The following VWC2L variants were observed in gnomAD, a reference collection of about 807,000 sequenced individuals.
VWC2L encodes the protein von Willebrand factor C domain containing 2 like.
Under a neutral mutation model 21.6 loss-of-function variants are expected in VWC2L, and 10 were observed. That is an observed-to-expected ratio of 0.46 (90% CI 0.29 to 0.78). The LOEUF is 0.78. VWC2L is among the 30% of genes least tolerant of loss of function. VWC2L has a pLI of 0.10. For synonymous variants in VWC2L, 96 were observed against 94.3 expected (o/e 1.02, Z -0.10); for missense variants, 209 against 277.1 (o/e 0.75, Z 1.74).
At chr2:214,424,168 C>A (rs1183410505) in intron 2 of VWC2L, among the ~76,000 whole-genome samples, 2 of 152,038 alleles carry the variant, frequency 1.3e-5, no homozygotes, top group South Asian at 2.1e-4. Context: ...TATTATAATT[C>A]TCAGTAGGGT....
intron 2 of VWC2L, among the ~76,000 whole-genome samples, chr2:214,415,531 G>T (rs971734018): frequency 6.6e-6 from 1 of 152,014 alleles, no homozygotes; most frequent in Non-Finnish European, 1.5e-5. Flanking sequence ...TTTCAGTGTG[G>T]GTGTTTATGT....
chr2:214,544,270 C>G (rs144662041), intron 3 of VWC2L, among the ~76,000 whole-genome samples: 2 of 152,158 alleles, frequency 1.3e-5, no homozygotes, highest in African/African-American at 4.8e-5. Context: ...ATTAGAGAGC[C>G]CTGTTGTAAT....
At chr2:214,436,384 G>A in intron 2 of VWC2L, 1 of 403,600 alleles carries the variant, frequency 2.5e-6, no homozygotes, top group South Asian at 4.2e-5. Flanking sequence ...AGGAACATAA[G>A]ATATAGGAAA....
chr2:214,432,893 G>A (rs930779293), intron 2 of VWC2L, among the ~76,000 whole-genome samples: 2 of 151,928 alleles, frequency 1.3e-5, no homozygotes, highest in African/African-American at 4.8e-5. Context: ...ATGGTGGCAT[G>A]CACCTGTAAT....
chr2:214,446,260 A>T (rs1413721152), intron 3 of VWC2L, among the ~76,000 whole-genome samples: 2 of 152,212 alleles, frequency 1.3e-5, no homozygotes, highest in Admixed American at 1.3e-4. Flanking sequence ...GTCCTATGAA[A>T]GGCAGTTTCA....
chr2:214,496,034 A>G (rs1457097684), intron 3 of VWC2L, among the ~76,000 whole-genome samples: 5 of 152,082 alleles, frequency 3.3e-5, no homozygotes, highest in Middle Eastern at 3.2e-3. Flanking sequence ...ACACAAACCT[A>G]GATGGCATAG....
chr2:214,563,546 CAAAAAAAAAAAAAAAAAAAAAAA>C (rs55864016), intron 3 of VWC2L, among the ~76,000 whole-genome samples: 2 of 95,894 alleles, frequency 2.1e-5, no homozygotes, highest in African/African-American at 8.4e-5. Context: ...GACTCCGTCT[CAAAAAAAAAAAAAAAAAAAAAAA>C]AAAAAAAAAA....
chr2:214,557,957 CTT>C (rs1327359933), intron 3 of VWC2L, among the ~76,000 whole-genome samples: 3 of 152,212 alleles, frequency 2.0e-5, no homozygotes, highest in Admixed American at 6.5e-5. Flanking sequence ...CTACTGAACT[CTT>C]TTTATTTCTG....
chr2:214,548,651 T>C (rs1255374909), intron 3 of VWC2L, among the ~76,000 whole-genome samples: 1 of 152,184 alleles, frequency 6.6e-6, no homozygotes, highest in Non-Finnish European at 1.5e-5. Flanking sequence ...AGACAATTTG[T>C]CAAGGGGCTG....
chr2:214,576,683 C>T lies in VWC2L; in HGVS notation c.*863C>T, dbSNP rs1228959993. 1 of 152,152 alleles carries T rather than the reference C, an allele frequency of 6.6e-6. No homozygotes were observed. The highest frequency in any genetic ancestry group is 1.5e-5 in the Non-Finnish European group (1 of 68,024). The allele number at this position is 152,152 out of a possible 1,614,324, so 9.4% of individuals were successfully genotyped here. On this transcript the variant is annotated 3_prime_UTR_variant, in exon 4 of 4. Transcript: ENST00000312504. ...AAACACACTCTAAACTCACTGTCATCAGGCAATATAAATACCAGAACCAGG... is the reference window on the plus strand; with the variant it reads ...AAACACACTCTAAACTCACTGTCATTAGGCAATATAAATACCAGAACCAGG...
At chr2:214,480,643 A>T (rs949238763) in intron 3 of VWC2L, among the ~76,000 whole-genome samples, 35 of 152,142 alleles carry the variant, frequency 2.3e-4, no homozygotes, top group Admixed American at 2.2e-3. Context: ...CATGGTTTTC[A>T]TTCTGGGGAT....
chr2:214,477,817 T>A (rs1380857173), intron 3 of VWC2L, among the ~76,000 whole-genome samples: 1 of 152,250 alleles, frequency 6.6e-6, no homozygotes, highest in African/African-American at 2.4e-5. Flanking sequence ...GCTATTACAA[T>A]ATTAAGAGAA....
chr2:214,435,788 A>C (rs533406157), intron 2 of VWC2L, among the ~76,000 whole-genome samples: 1 of 152,284 alleles, frequency 6.6e-6, no homozygotes, highest in Non-Finnish European at 1.5e-5. Context: ...TAGAACTTAC[A>C]AAGGATGAGA....
At chr2:214,518,737 C>T (rs7573733) in intron 3 of VWC2L, among the ~76,000 whole-genome samples, 135,706 of 152,154 alleles carry the variant, frequency 0.89, 62,459 homozygotes, top group Non-Finnish European at 1. Context: ...TAAAGCCTTA[C>T]CTGAAACTGT....
chr2:214,516,603 C>G (rs1428718407), intron 3 of VWC2L, among the ~76,000 whole-genome samples: 1 of 151,170 alleles, frequency 6.6e-6, no homozygotes, highest in Non-Finnish European at 1.5e-5. Context: ...GTCGATTATG[C>G]ATAGCTTATC....
At chr2:214,440,587 A>G (rs1044501095) in intron 3 of VWC2L, among the ~76,000 whole-genome samples, 1 of 152,090 alleles carries the variant, frequency 6.6e-6, no homozygotes, top group Non-Finnish European at 1.5e-5. Flanking sequence ...AACATTGGAA[A>G]CTGACCATAA....
chr2:214,494,905 T>C (rs561085556), intron 3 of VWC2L, among the ~76,000 whole-genome samples: 1 of 152,224 alleles, frequency 6.6e-6, no homozygotes, highest in South Asian at 2.1e-4. Context: ...CTGTTCTCAT[T>C]TGCCCATGAA....
chr2:214,464,813 C>T (rs1703191395), intron 3 of VWC2L, among the ~76,000 whole-genome samples: 1 of 152,078 alleles, frequency 6.6e-6, no homozygotes, highest in African/African-American at 2.4e-5. Flanking sequence ...CTACTTGGTG[C>T]TATATTTTAC....
At chr2:214,504,173 C>G (rs1038874870) in intron 3 of VWC2L, among the ~76,000 whole-genome samples, 14 of 152,130 alleles carry the variant, frequency 9.2e-5, no homozygotes, top group African/African-American at 3.1e-4. Context: ...TAGAAAGGTT[C>G]TTTACTGATC....
Sources: allele counts gnomAD v4.1 joint callset (sites outside exome capture counted in the v4.1 genomes callset), GRCh38; gene constraint gnomAD v4.1.1; transcripts MANE v1.5; gene names NCBI Gene and HGNC (gene_info 2026-07-23, HGNC 2026-07-21).